Variants in C2orf74 observed in about 807,000 individuals in gnomAD.
C2orf74 encodes DPM1 ER membrane anchor 1.
A neutral mutation model predicts 17.9 loss-of-function variants in C2orf74; 14 were observed. The ratio of observed to expected loss-of-function variants is 0.78; its 90% confidence interval spans 0.52 to 1.22. The LOEUF is 1.22. C2orf74 is among the 50% of genes most tolerant of loss of function. The pLI is 0.00. For missense variants in C2orf74, 217 were observed against 218.4 expected (o/e 0.99, Z 0.04); for synonymous variants, 79 against 72.6 (o/e 1.09, Z -0.44).
chr2:61,151,727 G>T (rs1685233806), intron 1 of C2orf74: 1 of 152,194 alleles, frequency 6.6e-6, no homozygotes, highest in Non-Finnish European at 1.5e-5. Context: ...GAGAGAAAAG[G>T]CAAGGAGGAA....
chr2:61,146,027 A>T (rs1010764583), intron 1 of C2orf74, among the ~76,000 whole-genome samples: 3 of 152,378 alleles, frequency 2.0e-5, no homozygotes, highest in Middle Eastern at 6.8e-3. Flanking sequence ...TTGATCCAAC[A>T]ATCCCACTTT....
chr2:61,159,741 C>T (rs2103639089), upstream of C2orf74, among the ~76,000 whole-genome samples: 2 of 152,302 alleles, frequency 1.3e-5, no homozygotes, highest in Non-Finnish European at 2.9e-5. Flanking sequence ...TTTTGCAATG[C>T]CTGCTGTATA....
intron 1 of C2orf74, among the ~76,000 whole-genome samples, chr2:61,153,470 G>T (rs1685299699): frequency 1.3e-5 from 2 of 151,558 alleles, no homozygotes; most frequent in African/African-American, 4.8e-5. Context: ...TTTTAGTAGA[G>T]ACTGGGTTTC....
chr2:61,164,733 C>T lies in C2orf74; in HGVS notation c.*206C>T. 2.5e-6 allele frequency: 1 copy of T among 396,346 alleles called. No individual in the cohort carries two copies. The highest frequency in any genetic ancestry group is 5.6e-5 in the South Asian group (1 of 17,756). 24.6% of individuals were successfully genotyped at this position (396,346 alleles called of 1,614,324 possible). A position where few individuals can be genotyped will look rare whatever the true frequency, so the allele number is the denominator to read the frequency against. ...GCTTGAATATAATTTTTTAAAAATTCAAATCTGAGTTCAAGAAATTGATTG... is the reference window on the plus strand; with the variant it reads ...GCTTGAATATAATTTTTTAAAAATTTAAATCTGAGTTCAAGAAATTGATTG... On this transcript the variant is annotated 3_prime_UTR_variant, in exon 5 of 5. Transcript: ENST00000432605.
chr2:61,156,655 G>A (rs779385537), intron 1 of C2orf74, among the ~76,000 whole-genome samples: 17 of 152,030 alleles, frequency 1.1e-4, no homozygotes, highest in Admixed American at 3.3e-4. Context: ...AGGCCAAGGC[G>A]GGCAGATCGC....
chr2:61,147,760 CTTTTTGTTTGT>C (rs909696066), intron 1 of C2orf74, among the ~76,000 whole-genome samples: 2 of 151,806 alleles, frequency 1.3e-5, no homozygotes, highest in African/African-American at 4.8e-5. Flanking sequence ...TGTGGGTTGC[CTTTTTGTTTGT>C]TTTTTGTTTG....
upstream of C2orf74, among the ~76,000 whole-genome samples, chr2:61,160,384 C>T (rs377490892): frequency 2.6e-4 from 40 of 152,216 alleles, no homozygotes; most frequent in Non-Finnish European, 1.0e-4. Flanking sequence ...TGGTCTAGAA[C>T]TCCCCTCAGG....
At chr2:61,162,053 C>G (rs1573722425), upstream of C2orf74, 2 of 162,002 alleles carry the variant, frequency 1.2e-5, no homozygotes, top group East Asian at 1.7e-4. Context: ...AGGCAACAGC[C>G]TCGTGGTTCT....
chr2:61,161,223 G>C (rs188478477), upstream of C2orf74, among the ~76,000 whole-genome samples: 357 of 152,272 alleles, frequency 2.3e-3, 1 homozygote, highest in Non-Finnish European at 4.3e-3. Context: ...GAAATGTCTT[G>C]AAATCCTTTG....
At chr2:61,162,711 C>A in intron 2 of C2orf74, 102 bp downstream of exon 2, 1 of 1,059,454 alleles carries the variant, frequency 9.4e-7, no homozygotes, top group Non-Finnish European at 1.4e-6. Context: ...GTAATGATAC[C>A]ATAATTATCT....
At position 61,163,136 on chromosome 2, in the gene C2orf74, A is replaced by G. The variant is rs1685618347; in HGVS notation, c.294A>G (p.Thr98=). 6.4e-7 allele frequency: 1 copy of G among 1,552,090 alleles called. No individual in the cohort carries two copies. The highest frequency in any genetic ancestry group is 8.7e-7 in the Non-Finnish European group (1 of 1,147,066). ...GACAGAGTAAGGAAGTGTTGGCCAC[A>G]CCCTTAGAAAACAGAAGGGACATGG... ...VQRQSKEVLA[T]PLENRRDMEA... is the part of the protein sequence containing the mutation. Residue 98 remains threonine (T), a synonymous_variant, in exon 4 of 5, where the codon ACA becomes ACG. Transcript: ENST00000432605.
At chr2:61,145,795 A>G (rs1469148110) in intron 1 of C2orf74, among the ~76,000 whole-genome samples, 1 of 152,184 alleles carries the variant, frequency 6.6e-6, no homozygotes, top group East Asian at 1.9e-4. Flanking sequence ...TCCCAAGCCC[A>G]AGCAATCCTC....
chr2:61,158,363 G>A (rs1183576029), upstream of C2orf74, among the ~76,000 whole-genome samples: 2 of 152,204 alleles, frequency 1.3e-5, no homozygotes, highest in African/African-American at 4.8e-5. Context: ...CAAAGACTAT[G>A]AAAGACCCTG....
At chr2:61,160,804 A>G (rs954722443), upstream of C2orf74, among the ~76,000 whole-genome samples, 2 of 152,120 alleles carry the variant, frequency 1.3e-5, no homozygotes, top group Non-Finnish European at 1.5e-5. Flanking sequence ...CATTTTATCT[A>G]TCCATCCTTC....
At chr2:61,145,580 C>T (rs886070415) in intron 1 of C2orf74, among the ~76,000 whole-genome samples, 38 of 152,014 alleles carry the variant, frequency 2.5e-4, no homozygotes, top group Non-Finnish European at 4.1e-4. Flanking sequence ...GGTGCCACCA[C>T]GCCAGGCTAA....
chr2:61,151,198 C>T (rs1448313253), intron 1 of C2orf74, among the ~76,000 whole-genome samples: 1 of 151,054 alleles, frequency 6.6e-6, no homozygotes, highest in Non-Finnish European at 1.5e-5. Context: ...TGCCTGTAAT[C>T]CCAGCTACTT....
chr2:61,150,137 G>A (rs1685184253), intron 1 of C2orf74, among the ~76,000 whole-genome samples: 1 of 152,174 alleles, frequency 6.6e-6, no homozygotes, highest in Non-Finnish European at 1.5e-5. Flanking sequence ...GGTTGGTGAA[G>A]TTGTCCTTTG....
chr2:61,154,221 C>T (rs183093558), intron 1 of C2orf74, among the ~76,000 whole-genome samples: 6 of 129,692 alleles, frequency 4.6e-5, no homozygotes, highest in Admixed American at 1.7e-4. Flanking sequence ...GCAATAAGAG[C>T]GAAATTCTGT....
At chr2:61,153,304 G>A (rs1371026302) in intron 1 of C2orf74, among the ~76,000 whole-genome samples, 4 of 151,872 alleles carry the variant, frequency 2.6e-5, no homozygotes, top group Non-Finnish European at 2.9e-5. Flanking sequence ...TTTTTGAGAC[G>A]GAGTCTCGCT....
Sources: allele counts gnomAD v4.1 joint callset (sites outside exome capture counted in the v4.1 genomes callset), GRCh38; gene constraint gnomAD v4.1.1; transcripts MANE v1.5; gene names NCBI Gene and HGNC (gene_info 2026-07-23, HGNC 2026-07-21).